The following CATSPERE variants were observed in gnomAD, a reference collection of about 807,000 sequenced individuals.
CATSPERE encodes the protein catsper channel auxiliary subunit epsilon, also known as cation channel sperm-associated auxiliary subunit epsilon.
CATSPERE carries 93 observed loss-of-function variants against 114.1 expected under a neutral mutation model. The ratio of observed to expected loss-of-function variants is 0.81; its 90% CI spans 0.69 to 0.97. The LOEUF is 0.97. CATSPERE is among the 50% of genes least tolerant of loss of function. CATSPERE has a pLI of 0.00. For synonymous variants in CATSPERE, 341 were observed against 384.1 expected, an observed-to-expected ratio of 0.89 and a Z score of 1.31; for missense variants, 1,058 against 1,131.6, an observed-to-expected ratio of 0.93 and a Z score of 0.93.
intron 9 of CATSPERE, 51 bp from the exon 10 acceptor site, chr1:244,560,617 G>A: frequency 1.0e-6 from 1 of 1,000,464 alleles, no homozygotes. Context: ...AAATTGTTAG[G>A]CCCGTCTCTA....
At chr1:244,621,313 A>ATATAT (rs1329667347) in intron 20 of CATSPERE, among the ~76,000 whole-genome samples, 4 of 78,940 alleles carry the variant, frequency 5.1e-5, no homozygotes, top group East Asian at 3.3e-4. Flanking sequence ...ATAAATATAT[A>ATATAT]AAATATATAT....
intron 8 of CATSPERE, among the ~76,000 whole-genome samples, chr1:244,522,097 T>A (rs1032789040): frequency 6.6e-6 from 1 of 152,152 alleles, no homozygotes; most frequent in African/African-American, 2.4e-5. Context: ...AAAGGTCTCC[T>A]CAGCAAATGT....
chr1:244,570,437 T>C (rs1359876377), intron 10 of CATSPERE, among the ~76,000 whole-genome samples: 1 of 152,162 alleles, frequency 6.6e-6, no homozygotes, highest in African/African-American at 2.4e-5. Context: ...TTATTGATTC[T>C]TTACTTCTGC....
intron 6 of CATSPERE, among the ~76,000 whole-genome samples, chr1:244,494,509 G>A (rs1270435169): frequency 2.0e-5 from 3 of 148,718 alleles, no homozygotes; most frequent in African/African-American, 5.0e-5. Flanking sequence ...GCTAAATGAC[G>A]AGTTAATGGG....
chr1:244,593,484 G>T lies in CATSPERE; in HGVS notation c.2224-15G>T, dbSNP rs368816989. 194 of 1,613,466 alleles carry T rather than the reference G, an allele frequency of 1.2e-4. 5 individuals are homozygous for T. The South Asian group carries it at 1.7e-3, about 14-fold the overall frequency. On this transcript the variant is annotated splice_polypyrimidine_tract_variant and intron_variant, in intron 16 of 21. Coordinates refer to ENST00000366534, the MANE Select transcript of CATSPERE (RefSeq NM_001130957.2). Reference sequence around the variant, plus strand: ...CCAAATATATAAAATCACTAAAGTAGTTTTCCTTTTCTAGAGAGTAAGGTA... The same window carrying T: ...CCAAATATATAAAATCACTAAAGTATTTTTCCTTTTCTAGAGAGTAAGGTA...
intron 7 of CATSPERE, among the ~76,000 whole-genome samples, chr1:244,512,643 A>G (rs1244147769): frequency 6.6e-6 from 1 of 151,462 alleles, no homozygotes; most frequent in Non-Finnish European, 1.5e-5. Flanking sequence ...TTGCTTTTTC[A>G]TGTTTCTTGT....
intron 2 of CATSPERE, among the ~76,000 whole-genome samples, chr1:244,474,582 A>G (rs1413002377): frequency 1.3e-5 from 2 of 151,810 alleles, no homozygotes; most frequent in Non-Finnish European, 2.9e-5. Context: ...TTCTTTGATT[A>G]TATTTACTGT....
chr1:244,486,474 GT>G (rs1242879006), intron 5 of CATSPERE, among the ~76,000 whole-genome samples: 4 of 150,556 alleles, frequency 2.7e-5, no homozygotes, highest in Admixed American at 6.6e-5. Context: ...CACCTGGTGG[GT>G]GGTCCAGCAT....
Position 244,527,575 on chromosome 1 carries a change from A to G in CATSPERE, c.536+8877A>G, listed in dbSNP as rs140085711. On this transcript the variant is annotated intron_variant, in intron 8 of 21. Transcript: ENST00000366534. ...ATCACAGGGTCCCGAGGCAACATACATCCTCCTCAGCTTACGAAGATGACG... is the reference window on the plus strand; with the variant it reads ...ATCACAGGGTCCCGAGGCAACATACGTCCTCCTCAGCTTACGAAGATGACG... Among the ~76,000 whole-genome samples, 407 of 152,292 alleles carry G rather than the reference A, an allele frequency of 2.7e-3. 2 individuals carry two copies. Among genetic ancestry groups the G allele is most frequent in the African/African-American group, 9.2e-3 (383 of 41,556 alleles).
chr1:244,638,862 C>T (rs1228325309), intron 21 of CATSPERE, among the ~76,000 whole-genome samples: 1 of 152,194 alleles, frequency 6.6e-6, no homozygotes, highest in East Asian at 1.9e-4. Context: ...TGTCTTCGGC[C>T]ATTAATTTTG....
At position 244,542,154 on chromosome 1, in the gene CATSPERE, T is replaced by TAA. The variant is rs539959314; in HGVS notation, c.537-10153_537-10152dup. 3.0e-3 allele frequency among the ~76,000 whole-genome samples: 428 copies of TAA among 140,490 alleles called. 5 individuals carry two copies. The South Asian group carries it at 0.033, about 11-fold the overall frequency. 92.2% of individuals were successfully genotyped at this position (140,490 alleles called of 152,430 possible). A position where few individuals can be genotyped will look rare whatever the true frequency, so the allele number is the denominator to read the frequency against. ...CACATGTACCCTAAAACATAAAGTA[T>TAA]AAAAAAAAAAAAAAAAGTAGAGCAG... On this transcript the variant is annotated intron_variant, in intron 8 of 21. Coordinates refer to ENST00000366534, the MANE Select transcript of CATSPERE (RefSeq NM_001130957.2).
upstream of CATSPERE, chr1:244,451,551 T>C: frequency 7.0e-7 from 1 of 1,434,754 alleles, no homozygotes; most frequent in Admixed American, 2.3e-5. The surrounding 1 kb of genome is among the most constrained non-coding windows in gnomAD (Gnocchi z 6.6). Context: ...GGATCCGGGT[T>C]CTGGGTCCGA....
intron 20 of CATSPERE, among the ~76,000 whole-genome samples, chr1:244,629,362 C>T (rs1673616032): frequency 6.6e-6 from 1 of 152,164 alleles, no homozygotes; most frequent in Non-Finnish European, 1.5e-5. Context: ...ATGTGCGGTA[C>T]ATGTTGCCTC....
intron 8 of CATSPERE, among the ~76,000 whole-genome samples, chr1:244,529,934 T>C (rs1040933734): frequency 7.2e-5 from 11 of 152,222 alleles, no homozygotes; most frequent in African/African-American, 2.4e-4. Flanking sequence ...CATACTGATA[T>C]ATAGTTTTCC....
intron 7 of CATSPERE, among the ~76,000 whole-genome samples, chr1:244,500,284 T>TTCTGTAGTTTGCCTTTTCAC (rs1673824480): frequency 6.6e-6 from 1 of 151,806 alleles, no homozygotes; most frequent in Admixed American, 6.6e-5. Context: ...TTTTCTCCCA[T>TTCTGTAGTTTGCCTTTTCAC]TCTGTAGTTT....
intron 7 of CATSPERE, among the ~76,000 whole-genome samples, chr1:244,507,602 GT>G (rs1214313154): frequency 1.3e-5 from 2 of 152,092 alleles, no homozygotes; most frequent in East Asian, 3.8e-4. Context: ...TCTTCTAGTA[GT>G]TTTATAGTTT....
intron 14 of CATSPERE, among the ~76,000 whole-genome samples, chr1:244,590,799 A>C (rs1052140706): frequency 6.6e-6 from 1 of 152,192 alleles, no homozygotes; most frequent in African/African-American, 2.4e-5. Context: ...GTAATATTCC[A>C]TTGAATGGAT....
chr1:244,541,744 C>G (rs1364395805), intron 8 of CATSPERE, among the ~76,000 whole-genome samples: 1 of 146,510 alleles, frequency 6.8e-6, no homozygotes, highest in Non-Finnish European at 1.5e-5. Context: ...ATAGCAAAGA[C>G]TTGGAACCAA....
chr1:244,630,942 T>TAAC (rs61586858), intron 20 of CATSPERE, among the ~76,000 whole-genome samples: 1,614 of 152,298 alleles, frequency 0.011, 12 homozygotes, highest in Middle Eastern at 0.037. Context: ...TTCCTTGGTC[T>TAAC]AACACTCTCA....
Sources: allele counts gnomAD v4.1 joint callset (sites outside exome capture counted in the v4.1 genomes callset), GRCh38; gene constraint gnomAD v4.1.1; non-coding constraint Gnocchi (gnomAD v3.1); transcripts MANE v1.5; gene names NCBI Gene and HGNC (gene_info 2026-07-23, HGNC 2026-07-21).